FNDC3B: variants seen among roughly 807,000 people sequenced by gnomAD.
FNDC3B encodes the protein fibronectin type III domain-containing protein 3B.
In FNDC3B, 12 loss-of-function variants were observed where a neutral mutation model predicts 151.5. The observed-to-expected ratio is 0.08, with a 90% CI of 0.05 to 0.13. The LOEUF (loss-of-function observed/expected upper bound fraction) is 0.13, where lower values mean the gene tolerates loss of function less well. Among genes scored for constraint, FNDC3B ranks in the 10% least tolerant of loss-of-function variants. FNDC3B has a pLI of 1.00. For synonymous variants in FNDC3B, 528 were observed against 549.0 expected (o/e 0.96, Z 0.54); for missense variants, 1,214 against 1,505.3 (o/e 0.81, Z 3.20).
At chr3:172,279,079 G>A (rs1729572626) in intron 6 of FNDC3B, among the ~76,000 whole-genome samples, 1 of 152,140 alleles carries the variant, frequency 6.6e-6, no homozygotes, top group Non-Finnish European at 1.5e-5. Flanking sequence ...GTTCATTAAA[G>A]ACCTAGACCT....
At chr3:172,285,188 A>T (rs1360523348) in intron 6 of FNDC3B, among the ~76,000 whole-genome samples, 4 of 151,870 alleles carry the variant, frequency 2.6e-5, no homozygotes, top group Non-Finnish European at 5.9e-5. Context: ...ACGTTTCCTC[A>T]CCCTTACCCA....
chr3:172,088,165 T>C (rs1345915731), intron 1 of FNDC3B, among the ~76,000 whole-genome samples: 2 of 152,216 alleles, frequency 1.3e-5, no homozygotes, highest in East Asian at 3.8e-4. Flanking sequence ...TATAAAGTTA[T>C]GTGGCTAAAC....
At chr3:172,068,323 CA>C (rs920195691) in intron 1 of FNDC3B, among the ~76,000 whole-genome samples, 16 of 151,792 alleles carry the variant, frequency 1.1e-4, no homozygotes, top group Non-Finnish European at 5.9e-5. Context: ...CTCCCACTTT[CA>C]ATACTCATCC....
At chr3:172,197,563 CA>C (rs1397577938) in intron 3 of FNDC3B, among the ~76,000 whole-genome samples, 23 of 152,216 alleles carry the variant, frequency 1.5e-4, no homozygotes, top group Non-Finnish European at 3.2e-4. Flanking sequence ...CTTTATAGCA[CA>C]AGGATTCAGT....
At chr3:172,096,194 T>TAGGTTTATAGTTGTGAA (rs1719083958) in intron 1 of FNDC3B, among the ~76,000 whole-genome samples, 1 of 152,194 alleles carries the variant, frequency 6.6e-6, no homozygotes, top group African/African-American at 2.4e-5. Context: ...TTGGTTGGGA[T>TAGGTTTATAGTTGTGAA]AGGTTTATAG....
At chr3:172,395,914 G>A (rs181892905) in intron 25 of FNDC3B, among the ~76,000 whole-genome samples, 4 of 152,234 alleles carry the variant, frequency 2.6e-5, no homozygotes, top group Non-Finnish European at 4.4e-5. Flanking sequence ...AAAGACTGAC[G>A]ATCAATGTTG....
rs192662141 is a variant in FNDC3B at position 172,141,407 on chromosome 3, G to T, written c.187+7861G>T. 5.9e-5 allele frequency among the ~76,000 whole-genome samples: 9 copies of T among 152,340 alleles called. No individual in the cohort carries two copies. The East Asian group carries it at 1.7e-3, about 29-fold the overall frequency. On this transcript the variant is annotated intron_variant, in intron 3 of 25. Transcript: ENST00000415807. ...TAAATTTTGTTGTAGATTTTTAGTT[G>T]TTGGTTTTCTTTTGAATAACAGCCG... is the stretch of plus-strand genomic sequence containing the variant.
intron 9 of FNDC3B, among the ~76,000 whole-genome samples, chr3:172,304,909 A>G (rs964160308): frequency 2.0e-5 from 3 of 152,114 alleles, no homozygotes; most frequent in African/African-American, 7.2e-5. Flanking sequence ...AAAAAAAAAA[A>G]AAAAGCCAAG....
intron 3 of FNDC3B, among the ~76,000 whole-genome samples, chr3:172,199,426 G>C (rs1286785525): frequency 6.7e-6 from 1 of 148,628 alleles, no homozygotes; most frequent in African/African-American, 2.5e-5. Context: ...TGATCCGCCC[G>C]CCTCGGCCTC....
chr3:172,274,667 C>A (rs1406626715), intron 6 of FNDC3B, among the ~76,000 whole-genome samples: 1 of 152,168 alleles, frequency 6.6e-6, no homozygotes, highest in East Asian at 1.9e-4. Context: ...ACAATTTTAT[C>A]TTCTCACAGC....
At chr3:172,174,944 C>CCCCCCCCCCCCCCG (rs924176605) in intron 3 of FNDC3B, among the ~76,000 whole-genome samples, 10 of 50,742 alleles carry the variant, frequency 2.0e-4, no homozygotes, top group East Asian at 8.8e-4. Context: ...CCCCCCCCCC[C>CCCCCCCCCCCCCCG]CCAATACAAT....
chr3:172,325,727 C>G (rs535660053), intron 11 of FNDC3B, among the ~76,000 whole-genome samples: 2 of 152,212 alleles, frequency 1.3e-5, no homozygotes, highest in Non-Finnish European at 2.9e-5. Flanking sequence ...AGCCAGTGGC[C>G]TTCTCCAGTT....
intron 6 of FNDC3B, among the ~76,000 whole-genome samples, chr3:172,273,528 C>A (rs1468401297): frequency 1.3e-5 from 2 of 152,204 alleles, no homozygotes; most frequent in African/African-American, 2.4e-5. Context: ...TTTGCCCCCT[C>A]AGAAACATAA....
intron 6 of FNDC3B, among the ~76,000 whole-genome samples, chr3:172,267,815 C>T (rs1456650836): frequency 6.6e-6 from 1 of 152,182 alleles, no homozygotes; most frequent in African/African-American, 2.4e-5. Context: ...AAATAGCCCT[C>T]AGGGAAATTA....
intron 3 of FNDC3B, among the ~76,000 whole-genome samples, chr3:172,215,681 G>A (rs970096926): frequency 1.3e-5 from 2 of 152,132 alleles, no homozygotes; most frequent in South Asian, 2.1e-4. Flanking sequence ...CCGAGATTGC[G>A]CCACTGCAGT....
At chr3:172,142,521 A>G (rs1559985665) in intron 3 of FNDC3B, among the ~76,000 whole-genome samples, 2 of 152,226 alleles carry the variant, frequency 1.3e-5, no homozygotes, top group Non-Finnish European at 2.9e-5. Flanking sequence ...GGTTGGCCAC[A>G]GGCTATTTCA....
intron 1 of FNDC3B, among the ~76,000 whole-genome samples, chr3:172,057,572 A>G (rs1716975648): frequency 6.6e-6 from 1 of 152,308 alleles, no homozygotes; most frequent in East Asian, 1.9e-4. Flanking sequence ...GTTTTTTTCT[A>G]GACATAAACA....
intron 2 of FNDC3B, among the ~76,000 whole-genome samples, chr3:172,116,394 AC>A (rs1720247641): frequency 6.6e-6 from 1 of 152,140 alleles, no homozygotes; most frequent in Non-Finnish European, 1.5e-5. Context: ...TCTAAAAAGA[AC>A]CCTAGAGGGA....
chr3:172,253,719 GTTT>G (rs930208432), intron 6 of FNDC3B, among the ~76,000 whole-genome samples: 3 of 151,344 alleles, frequency 2.0e-5, no homozygotes, highest in Non-Finnish European at 4.4e-5. Flanking sequence ...TTTTGTTTTT[GTTT>G]TTTTTATGTA....
Sources: gnomAD v4.1 joint callset for allele counts (sites outside exome capture counted in the v4.1 genomes callset) on GRCh38, gnomAD v4.1.1 for gene constraint, MANE v1.5 for transcripts, NCBI Gene and HGNC (gene_info 2026-07-23, HGNC 2026-07-21) for gene names.